Variants in B3GALT1 observed in about 807,000 individuals in gnomAD.
B3GALT1 encodes beta-1,3-galactosyltransferase 1, also known as UDP-Gal:betaGlcNAc beta 1,3-galactosyltransferase, polypeptide 1.
A neutral mutation model predicts 23.2 loss-of-function variants in B3GALT1; 10 were observed. The observed-to-expected ratio is 0.43, with a 90% confidence interval of 0.27 to 0.73. The LOEUF is 0.73. Ranked by LOEUF, B3GALT1 falls within the 30% of genes least tolerant of loss-of-function variation. The pLI is 0.21. For synonymous variants in B3GALT1, 156 were observed against 141.5 expected, an observed-to-expected ratio of 1.10 and a Z score of -0.73; for missense variants, 299 against 405.4, an observed-to-expected ratio of 0.74 and a Z score of 2.25.
intron 2 of B3GALT1, among the ~76,000 whole-genome samples, chr2:167,644,779 TAAAAAAAAAAAAAAA>T (rs199652424): frequency 1.1e-5 from 1 of 91,172 alleles, no homozygotes; most frequent in Non-Finnish European, 2.1e-5. Flanking sequence ...GACTCTGTCT[TAAAAAAAAAAAAAAA>T]AAAAAAAAAA....
intron 1 of B3GALT1, among the ~76,000 whole-genome samples, chr2:167,357,596 G>T (rs990077740): frequency 3.9e-5 from 6 of 152,168 alleles, no homozygotes; most frequent in African/African-American, 1.4e-4. Context: ...GTGTCAAAAA[G>T]CCAATCTATT....
chr2:167,380,703 G>A (rs773743232), intron 1 of B3GALT1, among the ~76,000 whole-genome samples: 3 of 152,146 alleles, frequency 2.0e-5, no homozygotes, highest in Admixed American at 2.0e-4. Context: ...CTCTCCCCAA[G>A]TTTGTTCCAG....
At chr2:167,399,403 A>G (rs1266850203) in intron 1 of B3GALT1, among the ~76,000 whole-genome samples, 1 of 152,172 alleles carries the variant, frequency 6.6e-6, no homozygotes, top group Non-Finnish European at 1.5e-5. Flanking sequence ...AATTACAGCC[A>G]GTGTAAGTGT....
At chr2:167,444,832 A>AT (rs1392333154) in intron 1 of B3GALT1, among the ~76,000 whole-genome samples, 4 of 151,784 alleles carry the variant, frequency 2.6e-5, no homozygotes, top group African/African-American at 9.7e-5. Flanking sequence ...GGATTCGTTG[A>AT]TTTTTTGAAG....
At chr2:167,307,505 G>C (rs1488774605) in intron 1 of B3GALT1, among the ~76,000 whole-genome samples, 1 of 151,968 alleles carries the variant, frequency 6.6e-6, no homozygotes, top group African/African-American at 2.4e-5. Context: ...CAGTAATAAA[G>C]ATGTTATTTT....
At chr2:167,720,561 T>C (rs777354907) in intron 3 of B3GALT1, among the ~76,000 whole-genome samples, 2 of 151,816 alleles carry the variant, frequency 1.3e-5, no homozygotes, top group Non-Finnish European at 2.9e-5. Flanking sequence ...AAAAAGAAGG[T>C]TTTTACACAG....
At chr2:167,805,731 C>A (rs1051402311) in intron 3 of B3GALT1, among the ~76,000 whole-genome samples, 3 of 152,130 alleles carry the variant, frequency 2.0e-5, no homozygotes, top group Non-Finnish European at 4.4e-5. Context: ...ATTACTGTAG[C>A]CTTGTAATAT....
intron 1 of B3GALT1, among the ~76,000 whole-genome samples, chr2:167,376,079 A>T (rs1473366144): frequency 6.6e-6 from 1 of 152,164 alleles, no homozygotes; most frequent in Non-Finnish European, 1.5e-5. Context: ...TGTTGGGATG[A>T]TCATATGTTT....
intron 2 of B3GALT1, among the ~76,000 whole-genome samples, chr2:167,564,927 C>T (rs980583146): frequency 6.6e-6 from 1 of 152,208 alleles, no homozygotes; most frequent in South Asian, 2.1e-4. Flanking sequence ...AATGGCCATA[C>T]TGCCCAAGGT....
At chr2:167,460,549 C>T (rs1000986334) in intron 1 of B3GALT1, among the ~76,000 whole-genome samples, 1 of 151,994 alleles carries the variant, frequency 6.6e-6, no homozygotes, top group Non-Finnish European at 1.5e-5. Flanking sequence ...CTTTGGGCAA[C>T]TTTAAGAGAG....
At position 167,774,472 on chromosome 2, in the gene B3GALT1, G is replaced by GTTTTTTTTGTTTGTTTTTTTTTT. The variant is rs1558974686; in HGVS notation, c.-351-44192_-351-44191insGTTTGTTTTTTTTTTTTTTTTTT. On this transcript the variant is annotated intron_variant, in intron 3 of 4. Coordinates refer to ENST00000392690, the MANE Select transcript of B3GALT1 (RefSeq NM_020981.4). Reference sequence around the variant, plus strand: ...TTCTGTAGTTTTTCTGTGTTTATTGGTTTTTTTTTTTTGTTTTTTTTTTTG... The same window carrying GTTTTTTTTGTTTGTTTTTTTTTT: ...TTCTGTAGTTTTTCTGTGTTTATTGGTTTTTTTTGTTTGTTTTTTTTTTTTTTTTTTTTTTGTTTTTTTTTTTG... Among the ~76,000 whole-genome samples, 22 of 111,922 alleles carry GTTTTTTTTGTTTGTTTTTTTTTT rather than the reference G, an allele frequency of 2.0e-4. 1 individual carries two copies. The highest frequency in any genetic ancestry group is 6.1e-4 in the South Asian group (2 of 3,302). The allele number at this position is 111,922 out of a possible 152,430, so 73.4% of individuals were successfully genotyped here. A position where few individuals can be genotyped will look rare whatever the true frequency, so the allele number is the denominator to read the frequency against.
intron 3 of B3GALT1, among the ~76,000 whole-genome samples, chr2:167,744,313 ATCTT>A (rs1165172944): frequency 6.6e-6 from 1 of 152,148 alleles, no homozygotes; most frequent in Admixed American, 6.5e-5. Context: ...TGTATTTGGA[ATCTT>A]TCATTATAAT....
chr2:167,625,687 A>C (rs114403369), intron 2 of B3GALT1, among the ~76,000 whole-genome samples: 1 of 151,760 alleles, frequency 6.6e-6, no homozygotes, highest in Non-Finnish European at 1.5e-5. Flanking sequence ...ATTCGTTGCA[A>C]ACTATACTTT....
intron 3 of B3GALT1, among the ~76,000 whole-genome samples, chr2:167,735,894 AAGG>A (rs1369610085): frequency 6.6e-6 from 1 of 152,208 alleles, no homozygotes; most frequent in African/African-American, 2.4e-5. Flanking sequence ...CATGATGAAG[AAGG>A]AGAAGGAAGA....
rs75470600 is a variant in B3GALT1 at position 167,425,464 on chromosome 2, C to A, written c.-510-64713C>A. Among the ~76,000 whole-genome samples the A allele has an allele frequency of 4.7e-3, 723 of 152,254 alleles. 6 individuals carry two copies. The highest frequency in any genetic ancestry group is 0.018 in the East Asian group (93 of 5,180). On this transcript the variant is annotated intron_variant, in intron 1 of 4. Transcript: ENST00000392690. The stretch of plus-strand genomic sequence containing the variant: ...TATTTTTAAAAAGCATTTATCTCAA[C>A]TAACAGGTTTTAAAGGATTAATAAG...
At chr2:167,632,522 G>C (rs1685468662) in intron 2 of B3GALT1, among the ~76,000 whole-genome samples, 1 of 151,936 alleles carries the variant, frequency 6.6e-6, no homozygotes, top group African/African-American at 2.4e-5. Context: ...TTGTGGTTTT[G>C]ATTTGCATTT....
At chr2:167,310,018 A>G (rs899428042) in intron 1 of B3GALT1, among the ~76,000 whole-genome samples, 1 of 152,122 alleles carries the variant, frequency 6.6e-6, no homozygotes, top group African/African-American at 2.4e-5. Context: ...CTGAGTAGAG[A>G]TAACAAGCAA....
At chr2:167,637,741 G>A (rs1219291190) in intron 2 of B3GALT1, among the ~76,000 whole-genome samples, 1 of 151,716 alleles carries the variant, frequency 6.6e-6, no homozygotes, top group African/African-American at 2.4e-5. Flanking sequence ...ACATACAAGT[G>A]AAAACATGCA....
chr2:167,774,500 T>C (rs1688128056), intron 3 of B3GALT1, among the ~76,000 whole-genome samples: 3 of 133,234 alleles, frequency 2.3e-5, no homozygotes, highest in Non-Finnish European at 4.8e-5. Flanking sequence ...TTTTTTTGTT[T>C]TTTTTTTTTT....
Sources: gnomAD v4.1 joint callset for allele counts (sites outside exome capture counted in the v4.1 genomes callset) on GRCh38, gnomAD v4.1.1 for gene constraint, MANE v1.5 for transcripts, NCBI Gene and HGNC (gene_info 2026-07-23, HGNC 2026-07-21) for gene names.